SLC35F1: variants seen among roughly 807,000 people sequenced by gnomAD.
SLC35F1 encodes the protein chromosome 6 open reading frame 169.
SLC35F1 carries 14 observed loss-of-function variants against 48.7 expected under a neutral mutation model. The observed-to-expected ratio is 0.29, with a 90% CI of 0.19 to 0.45. The LOEUF (loss-of-function observed/expected upper bound fraction) is 0.45. SLC35F1 is among the 20% of genes least tolerant of loss of function. The pLI is 1.00. For missense variants in SLC35F1, 404 were observed against 500.0 expected (o/e 0.81, Z 1.83); for synonymous variants, 190 against 202.2 (o/e 0.94, Z 0.51).
At chr6:118,123,453 T>C (rs968715817) in intron 1 of SLC35F1, among the ~76,000 whole-genome samples, 1 of 151,950 alleles carries the variant, frequency 6.6e-6, no homozygotes, top group Non-Finnish European at 1.5e-5. Context: ...AGAGTTACCA[T>C]GGAGATAGAT....
chr6:118,035,491 G>A (rs574880492), intron 1 of SLC35F1, among the ~76,000 whole-genome samples: 35 of 150,384 alleles, frequency 2.3e-4, no homozygotes, highest in Middle Eastern at 6.8e-3. Context: ...GCACATGCCC[G>A]TAATCCCAGC....
chr6:118,217,840 T>A (rs1292615613), intron 2 of SLC35F1, among the ~76,000 whole-genome samples: 1 of 152,166 alleles, frequency 6.6e-6, no homozygotes, highest in Non-Finnish European at 1.5e-5. Context: ...AGCAATTTTC[T>A]CTCCCGGAAA....
At chr6:117,965,565 A>T (rs1776550821) in intron 1 of SLC35F1, among the ~76,000 whole-genome samples, 1 of 152,098 alleles carries the variant, frequency 6.6e-6, no homozygotes, top group Non-Finnish European at 1.5e-5. Context: ...CCCCAAAAGG[A>T]TTCTGGACCA....
intron 1 of SLC35F1, among the ~76,000 whole-genome samples, chr6:118,136,309 C>T (rs2114432579): frequency 1.3e-5 from 2 of 152,324 alleles, no homozygotes; most frequent in South Asian, 4.1e-4. Context: ...ATGTCTAGAC[C>T]TCTCATCTTT....
rs1305800885 is a variant in SLC35F1, at chr6:118,048,518, T to C, written c.174-105927T>C. Among the ~76,000 whole-genome samples the C allele has an allele frequency of 6.6e-5, 10 of 152,182 alleles. No homozygotes were observed. The South Asian group carries it at 1.0e-3, about 16-fold the overall frequency. On this transcript the variant is annotated intron_variant, in intron 1 of 7. Coordinates refer to ENST00000360388, the MANE Select transcript of SLC35F1 (RefSeq NM_001029858.4). ...CTGATAAGCAACTTCAGCAAAGTCG[T>C]AGGATACAAAATCAATGTACAAAAA...
intron 1 of SLC35F1, among the ~76,000 whole-genome samples, chr6:118,046,894 C>T (rs1772309490): frequency 6.6e-6 from 1 of 152,040 alleles, no homozygotes; most frequent in Non-Finnish European, 1.5e-5. Context: ...ACTAAAATTT[C>T]TCAATTTTAA....
chr6:118,097,144 C>T (rs1394696005), intron 1 of SLC35F1, among the ~76,000 whole-genome samples: 1 of 152,130 alleles, frequency 6.6e-6, no homozygotes, highest in Non-Finnish European at 1.5e-5. Flanking sequence ...CAACTGCTTC[C>T]AGTTGCCCCA....
At chr6:117,944,272 C>A (rs1252815296) in intron 1 of SLC35F1, among the ~76,000 whole-genome samples, 2 of 152,092 alleles carry the variant, frequency 1.3e-5, no homozygotes, top group African/African-American at 4.8e-5. Flanking sequence ...CTGTATACAT[C>A]ACTGGCAGTT....
At chr6:117,974,614 A>G (rs907619377) in intron 1 of SLC35F1, among the ~76,000 whole-genome samples, 23 of 152,086 alleles carry the variant, frequency 1.5e-4, no homozygotes, top group Admixed American at 1.5e-3. Context: ...TTGGTCTAGG[A>G]CTCATTTACA....
chr6:118,277,134 A>C (rs7452622), intron 5 of SLC35F1, among the ~76,000 whole-genome samples: 58,423 of 152,048 alleles, frequency 0.38, 11,940 homozygotes, highest in Middle Eastern at 0.49. Context: ...AAAACACTCA[A>C]TCAGAAAATT....
At chr6:117,992,054 G>A (rs1776925942) in intron 1 of SLC35F1, among the ~76,000 whole-genome samples, 1 of 151,830 alleles carries the variant, frequency 6.6e-6, no homozygotes, top group Non-Finnish European at 1.5e-5. Flanking sequence ...ATATAGCTAA[G>A]CTTATTAATA....
chr6:117,958,401 A>G (rs1019040805), intron 1 of SLC35F1, among the ~76,000 whole-genome samples: 2 of 152,224 alleles, frequency 1.3e-5, no homozygotes, highest in Non-Finnish European at 2.9e-5. Flanking sequence ...GCGGTGCATA[A>G]TGATATCCTA....
At chr6:118,217,386 A>T (rs1258624120) in intron 2 of SLC35F1, among the ~76,000 whole-genome samples, 1 of 152,234 alleles carries the variant, frequency 6.6e-6, no homozygotes, top group African/African-American at 2.4e-5. Context: ...ATGAAAGGAC[A>T]AATAATATAT....
At chr6:118,283,120 C>T (rs1009514155) in intron 6 of SLC35F1, among the ~76,000 whole-genome samples, 6 of 152,156 alleles carry the variant, frequency 3.9e-5, no homozygotes, top group Non-Finnish European at 8.8e-5. Flanking sequence ...TTCCTCTGCC[C>T]GTTCTCTTCA....
chr6:118,156,836 T>C (rs1004091487), intron 2 of SLC35F1, among the ~76,000 whole-genome samples: 2 of 152,026 alleles, frequency 1.3e-5, no homozygotes, highest in Non-Finnish European at 2.9e-5. Context: ...TTCTTGTACA[T>C]CTCACTTTTC....
chr6:118,058,889 C>A (rs754100501), intron 1 of SLC35F1, among the ~76,000 whole-genome samples: 1 of 152,136 alleles, frequency 6.6e-6, no homozygotes, highest in South Asian at 2.1e-4. Flanking sequence ...ATAACCTTTT[C>A]AAGATATAAC....
intron 1 of SLC35F1, among the ~76,000 whole-genome samples, chr6:118,127,995 G>C (rs1404875464): frequency 6.6e-6 from 1 of 151,972 alleles, no homozygotes; most frequent in African/African-American, 2.4e-5. Flanking sequence ...CAAAAAGTGG[G>C]CAAAGGATAT....
intron 2 of SLC35F1, among the ~76,000 whole-genome samples, chr6:118,181,452 CT>C (rs1774577366): frequency 6.6e-6 from 1 of 151,890 alleles, no homozygotes; most frequent in African/African-American, 2.4e-5. Context: ...AATAGAACCC[CT>C]AATTTAAAAC....
intron 1 of SLC35F1, among the ~76,000 whole-genome samples, chr6:117,969,726 A>C (rs1776615575): frequency 6.7e-6 from 1 of 148,288 alleles, no homozygotes; most frequent in South Asian, 2.1e-4. Flanking sequence ...TAAAAAAAAA[A>C]TCATCTGCAA....
Sources: gnomAD v4.1 joint callset for allele counts (sites outside exome capture counted in the v4.1 genomes callset) on GRCh38, gnomAD v4.1.1 for gene constraint, MANE v1.5 for transcripts, NCBI Gene and HGNC (gene_info 2026-07-23, HGNC 2026-07-21) for gene names.